The following BCAS3 variants were observed in gnomAD, a reference collection of about 807,000 sequenced individuals.
BCAS3 encodes BCAS4/BCAS3 fusion.
In BCAS3, 53 loss-of-function variants were observed where a neutral mutation model predicts 116.1. That is an observed-to-expected ratio of 0.46 (90% confidence interval 0.37 to 0.57). The LOEUF (loss-of-function observed/expected upper bound fraction) is 0.57, where lower values mean the gene tolerates loss of function less well. BCAS3 is among the 20% of genes least tolerant of loss of function. The pLI is 0.00. For synonymous variants in BCAS3, 391 were observed against 408.2 expected (o/e 0.96, Z 0.51); for missense variants, 917 against 1,165.4 (o/e 0.79, Z 3.10).
At chr17:61,269,802 C>CTTTTTTTTT (rs775560445) in intron 22 of BCAS3, among the ~76,000 whole-genome samples, 1 of 139,772 alleles carries the variant, frequency 7.2e-6, no homozygotes, top group Non-Finnish European at 1.6e-5. Context: ...TTCTTTCTTT[C>CTTTTTTTTT]TTTTTTTTTT....
In BCAS3 at chr17:60,902,573, A is replaced by G. The variant is rs200355309; in HGVS notation, c.739-47A>G. On this transcript the variant is annotated intron_variant, in intron 10 of 23. Transcript: ENST00000407086. ...ATCCTGATAGCCTGTAGAGTTAAAC[A>G]GATTAATAGAAATGACGTTCTGCTT... 3.9e-5 allele frequency: 56 copies of G among 1,452,734 alleles called. No homozygotes were observed. In the African/African-American group the frequency reaches 6.4e-4, roughly 17 times the overall value. The allele number at this position is 1,452,734 out of a possible 1,614,324, so 90.0% of individuals were successfully genotyped here.
In BCAS3 at chr17:60,864,227, G is replaced by A. The variant is rs555350114; in HGVS notation, c.477-4349G>A. On this transcript the variant is annotated intron_variant, in intron 7 of 23. Coordinates refer to ENST00000407086, the MANE Select transcript of BCAS3 (RefSeq NM_017679.5). ...TCTTCTGGTCTTTGTCATTGTGATT[G>A]TCAACTGTCATGGTGCTGATGGGAG... 3.3e-5 allele frequency among the ~76,000 whole-genome samples: 5 copies of A among 152,302 alleles called. No homozygotes were observed. The South Asian group carries it at 6.2e-4, about 19-fold the overall frequency.
intron 5 of BCAS3, among the ~76,000 whole-genome samples, chr17:60,737,794 TA>T (rs1234588188): frequency 2.0e-5 from 3 of 151,964 alleles, no homozygotes; most frequent in South Asian, 2.1e-4. Flanking sequence ...TTATTATTAT[TA>T]TTTTTTTTGA....
At chr17:60,938,312 AG>A (rs944027796) in intron 13 of BCAS3, among the ~76,000 whole-genome samples, 2 of 152,224 alleles carry the variant, frequency 1.3e-5, no homozygotes, top group Admixed American at 6.5e-5. Flanking sequence ...TCACCAAGAA[AG>A]GGTTTTTAGG....
intron 6 of BCAS3, among the ~76,000 whole-genome samples, chr17:60,792,394 C>T (rs1228363024): frequency 1.3e-5 from 2 of 152,214 alleles, no homozygotes; most frequent in Non-Finnish European, 1.5e-5. Context: ...CGCTCGCTTG[C>T]TTACACATGC....
intron 15 of BCAS3, among the ~76,000 whole-genome samples, chr17:60,997,083 T>G: frequency 6.6e-6 from 1 of 152,136 alleles, no homozygotes. Flanking sequence ...TGAATTAGAT[T>G]CTCATAAGGA....
chr17:61,060,126 A>G (rs978442830), intron 19 of BCAS3, among the ~76,000 whole-genome samples: 2 of 151,604 alleles, frequency 1.3e-5, no homozygotes, highest in Non-Finnish European at 2.9e-5. Flanking sequence ...TTTTTTTATT[A>G]TTTTTATTTT....
chr17:61,069,735 G>A (rs2071113886), intron 19 of BCAS3: 1 of 596,278 alleles, frequency 1.7e-6, no homozygotes. Flanking sequence ...CTACTCAGGA[G>A]GCTGAGGTGG....
chr17:60,984,168 G>T (rs2062982202), intron 14 of BCAS3, among the ~76,000 whole-genome samples: 1 of 152,164 alleles, frequency 6.6e-6, no homozygotes, highest in South Asian at 2.1e-4. Flanking sequence ...CAGGCATGTG[G>T]TTGAATTTTG....
intron 19 of BCAS3, chr17:61,070,380 T>TATATATATATAC (rs2071267282): frequency 6.8e-6 from 1 of 146,598 alleles, no homozygotes; most frequent in Admixed American, 8.0e-5. Context: ...TATATATATA[T>TATATATATATAC]ATATATATAT....
At chr17:60,889,365 A>T (rs2056976219) in intron 9 of BCAS3, among the ~76,000 whole-genome samples, 1 of 152,160 alleles carries the variant, frequency 6.6e-6, no homozygotes, top group South Asian at 2.1e-4. Flanking sequence ...TCCTTGATTT[A>T]TGAATGTTAG....
At chr17:60,907,606 A>G (rs574233490) in intron 11 of BCAS3, among the ~76,000 whole-genome samples, 1 of 152,320 alleles carries the variant, frequency 6.6e-6, no homozygotes, top group African/African-American at 2.4e-5. Flanking sequence ...ATAGTCTGTC[A>G]TGTTCAGCTG....
chr17:60,704,291 C>T (rs148823765), intron 4 of BCAS3, among the ~76,000 whole-genome samples: 149 of 152,080 alleles, frequency 9.8e-4, no homozygotes, highest in African/African-American at 3.4e-3. Flanking sequence ...AAGTGCACAC[C>T]CGGAATTAAC....
rs942665137 is a variant in BCAS3, at chr17:61,162,689, A to G, written c.2425+78125A>G. On this transcript the variant is annotated intron_variant, in intron 22 of 23. Coordinates refer to ENST00000407086, the MANE Select transcript of BCAS3 (RefSeq NM_017679.5). The surrounding 1 kb of genome is among the most constrained non-coding windows in gnomAD (Gnocchi z 5.6). ...ACAAAAATAATAAGTAAACCAGTTCAGGGATATACTTCTCTTTCTGAAACT... is the reference window on the plus strand; with the variant it reads ...ACAAAAATAATAAGTAAACCAGTTCGGGGATATACTTCTCTTTCTGAAACT... Among the ~76,000 whole-genome samples the G allele has an allele frequency of 6.6e-6, 1 of 152,228 alleles. No individual in the cohort carries two copies. Among genetic ancestry groups the G allele is most frequent in the African/African-American group, 2.4e-5 (1 of 41,458 alleles).
rs1353282561 is a variant in BCAS3, at chr17:61,211,865, T to C, written c.2425+127301T>C. On this transcript the variant is annotated intron_variant, in intron 22 of 23. Coordinates refer to ENST00000407086, the MANE Select transcript of BCAS3 (RefSeq NM_017679.5). The surrounding 1 kb of genome is among the most constrained non-coding windows in gnomAD (Gnocchi z 4.4). ...GCAAGCTGCCCACCAGGGCAGGGCC[T>C]TAGCATAAAGTTAATATCGTCAAAG... Among the ~76,000 whole-genome samples the C allele has an allele frequency of 1.3e-5, 2 of 152,226 alleles. No individual in the cohort carries two copies. Among genetic ancestry groups the C allele is most frequent in the Non-Finnish European group, 2.9e-5 (2 of 68,028 alleles).
chr17:60,773,013 T>G (rs564772652), intron 6 of BCAS3, among the ~76,000 whole-genome samples: 2 of 152,348 alleles, frequency 1.3e-5, no homozygotes, highest in South Asian at 2.1e-4. Context: ...GGTAAAAGTA[T>G]GTTTAGTTTT....
intron 19 of BCAS3, among the ~76,000 whole-genome samples, chr17:61,059,045 A>ACT (rs1476633058): frequency 9.4e-6 from 1 of 106,738 alleles, no homozygotes; most frequent in South Asian, 3.0e-4. Context: ...ACCTCCCCGA[A>ACT]CTCTTTTTTC....
At chr17:60,805,820 C>G (rs1467646747) in intron 6 of BCAS3, among the ~76,000 whole-genome samples, 1 of 147,854 alleles carries the variant, frequency 6.8e-6, no homozygotes, top group Non-Finnish European at 1.5e-5. Flanking sequence ...GAGTGAGACT[C>G]CATCTGTAAA....
At chr17:60,940,284 G>C (rs905838967) in intron 13 of BCAS3, among the ~76,000 whole-genome samples, 2 of 152,144 alleles carry the variant, frequency 1.3e-5, no homozygotes, top group African/African-American at 2.4e-5. Flanking sequence ...GTTTACTTCA[G>C]TGCCTTTAAC....
Sources: allele counts gnomAD v4.1 joint callset (sites outside exome capture counted in the v4.1 genomes callset), GRCh38; gene constraint gnomAD v4.1.1; non-coding constraint Gnocchi (gnomAD v3.1); transcripts MANE v1.5; gene names NCBI Gene and HGNC (gene_info 2026-07-23, HGNC 2026-07-21).